SLIT3: variants seen among roughly 807,000 people sequenced by gnomAD.
SLIT3 encodes slit homolog 3 protein.
Under a neutral mutation model 184.0 loss-of-function variants are expected in SLIT3, and 68 were observed. The ratio of observed to expected loss-of-function variants is 0.37; its 90% confidence interval spans 0.30 to 0.45. The LOEUF (loss-of-function observed/expected upper bound fraction) is 0.45. Ranked by LOEUF, SLIT3 falls within the 20% of genes least tolerant of loss-of-function variation. SLIT3 has a pLI of 1.00. For synonymous variants in SLIT3, 831 were observed against 828.6 expected, an observed-to-expected ratio of 1.00 and a Z score of -0.05; for missense variants, 1,707 against 2,026.0, an observed-to-expected ratio of 0.84 and a Z score of 3.02.
At chr5:168,732,564 C>T (rs1049378129) in intron 20 of SLIT3, among the ~76,000 whole-genome samples, 1 of 152,108 alleles carries the variant, frequency 6.6e-6, no homozygotes, top group Non-Finnish European at 1.5e-5. Context: ...TACCTGACTT[C>T]AAATTATATT....
intron 12 of SLIT3, among the ~76,000 whole-genome samples, chr5:168,776,987 T>TTGCAGCATTTTGCGTCATGC (rs1473897157): frequency 6.6e-6 from 1 of 152,142 alleles, no homozygotes; most frequent in Admixed American, 6.6e-5. Flanking sequence ...GGAATCCTTA[T>TTGCAGCATTTTGCGTCATGC]TGCAGCATTT....
chr5:168,830,667 A>G (rs542352978), intron 6 of SLIT3, among the ~76,000 whole-genome samples: 32 of 152,204 alleles, frequency 2.1e-4, no homozygotes, highest in Non-Finnish European at 4.3e-4. Context: ...TAATTCTCCC[A>G]ACACTCCTGA....
chr5:168,751,089 A>G (rs1754681261), intron 18 of SLIT3, among the ~76,000 whole-genome samples: 2 of 152,042 alleles, frequency 1.3e-5, no homozygotes, highest in Middle Eastern at 3.2e-3. Flanking sequence ...GGGAGTGCCA[A>G]GTTCCAAGGT....
chr5:169,127,390 G>A (rs1200342604), intron 4 of SLIT3, among the ~76,000 whole-genome samples: 1 of 152,180 alleles, frequency 6.6e-6, no homozygotes, highest in African/African-American at 2.4e-5. Flanking sequence ...CACACAAAAT[G>A]GTTTGCCCAG....
chr5:168,915,283 ATGAATGCTAAAACCT>A (rs1031947864), intron 4 of SLIT3, among the ~76,000 whole-genome samples: 1 of 152,242 alleles, frequency 6.6e-6, no homozygotes, highest in Non-Finnish European at 1.5e-5. Context: ...ACAGTCATCA[ATGAATGCTAAAACCT>A]TGAAGTTAAA....
chr5:168,749,387 C>T, intron 19 of SLIT3, 85 bp downstream of exon 19: 1 of 1,496,086 alleles, frequency 6.7e-7, no homozygotes, highest in South Asian at 1.2e-5. Flanking sequence ...AATTGGATCT[C>T]AGGGAGTATC....
chr5:168,858,606 G>A (rs775939521), intron 5 of SLIT3, among the ~76,000 whole-genome samples: 8 of 152,226 alleles, frequency 5.3e-5, no homozygotes, highest in Non-Finnish European at 7.3e-5. Context: ...TACGCGTTGG[G>A]CTCCCAGCAG....
At chr5:169,154,185 C>T (rs1762220477) in intron 4 of SLIT3, among the ~76,000 whole-genome samples, 1 of 152,146 alleles carries the variant, frequency 6.6e-6, no homozygotes, top group Non-Finnish European at 1.5e-5. Context: ...TGGTCTCGAT[C>T]TCCTGACCTC....
rs562931738 is a variant in SLIT3 at position 168,958,100 on chromosome 5, G to A, written c.414-74764C>T. ...CAGTATATTGAGTGGATAGAGTAGT[G>A]TGATAAATGAAGCATTCTTATTAAC... On this transcript the variant is annotated intron_variant, in intron 4 of 35. Coordinates refer to ENST00000519560, the MANE Select transcript of SLIT3 (RefSeq NM_003062.4). 6.6e-4 allele frequency among the ~76,000 whole-genome samples: 101 copies of A among 152,282 alleles called. No homozygotes were observed. In the South Asian group the frequency reaches 0.02, roughly 31 times the overall value.
At chr5:168,980,462 G>A (rs1366237357) in intron 4 of SLIT3, among the ~76,000 whole-genome samples, 1 of 152,180 alleles carries the variant, frequency 6.6e-6, no homozygotes, top group Non-Finnish European at 1.5e-5. Flanking sequence ...CAAGGAAATT[G>A]AGGCTCAGAG....
intron 35 of SLIT3, among the ~76,000 whole-genome samples, chr5:168,669,116 T>C (rs115134240): frequency 0.043 from 6,476 of 152,284 alleles, 480 homozygotes; most frequent in Admixed American, 0.19. Context: ...GCCTCCAAGA[T>C]TGCCCCCAGT....
At chr5:168,738,801 G>T (rs918794982) in intron 20 of SLIT3, among the ~76,000 whole-genome samples, 1 of 152,020 alleles carries the variant, frequency 6.6e-6, no homozygotes. Context: ...AGCCGGGCGC[G>T]GTGGCGGGCG....
intron 29 of SLIT3, among the ~76,000 whole-genome samples, chr5:168,691,226 A>C (rs1398874097): frequency 6.6e-6 from 1 of 152,198 alleles, no homozygotes; most frequent in East Asian, 1.9e-4. Context: ...CTGTGGACTG[A>C]TGGGTGGGCT....
chr5:168,839,318 C>T (rs980290550), intron 6 of SLIT3, among the ~76,000 whole-genome samples: 1 of 152,070 alleles, frequency 6.6e-6, no homozygotes, highest in African/African-American at 2.4e-5. Flanking sequence ...CGTGTCTTTT[C>T]TTCTTGGATG....
intron 6 of SLIT3, among the ~76,000 whole-genome samples, chr5:168,842,362 G>A (rs1758282700): frequency 6.6e-6 from 1 of 151,894 alleles, no homozygotes; most frequent in African/African-American, 2.4e-5. Flanking sequence ...AGATCCTATG[G>A]GCTCTTTGCA....
chr5:169,287,504 G>T (rs372175471), intron 1 of SLIT3, among the ~76,000 whole-genome samples: 1 of 152,270 alleles, frequency 6.6e-6, no homozygotes, highest in East Asian at 1.9e-4. Flanking sequence ...TTTCATAAGG[G>T]CAGACCACAC....
At chr5:169,112,141 A>C (rs1760433937) in intron 4 of SLIT3, among the ~76,000 whole-genome samples, 1 of 152,226 alleles carries the variant, frequency 6.6e-6, no homozygotes, top group African/African-American at 2.4e-5. Context: ...CTTGTTACAA[A>C]GTAGATGCCC....
chr5:168,708,386 CA>C, intron 25 of SLIT3: 1 of 496,426 alleles, frequency 2.0e-6, no homozygotes, highest in Non-Finnish European at 3.6e-6. Flanking sequence ...TGCTAATCTG[CA>C]AACAATGCAC....
At chr5:169,166,975 T>G (rs1762658411) in intron 4 of SLIT3, among the ~76,000 whole-genome samples, 1 of 152,050 alleles carries the variant, frequency 6.6e-6, no homozygotes, top group Non-Finnish European at 1.5e-5. Flanking sequence ...GAGAAAAGCC[T>G]GAGCAAACTA....
Sources: allele counts gnomAD v4.1 joint callset (sites outside exome capture counted in the v4.1 genomes callset), GRCh38; gene constraint gnomAD v4.1.1; transcripts MANE v1.5; gene names NCBI Gene and HGNC (gene_info 2026-07-23, HGNC 2026-07-21).